PTPRR: variants seen among roughly 807,000 people sequenced by gnomAD.
PTPRR encodes the protein protein tyrosine phosphatase receptor type R, also known as receptor-type tyrosine-protein phosphatase R.
PTPRR carries 38 observed loss-of-function variants against 77.2 expected under a neutral mutation model. The observed-to-expected ratio is 0.49, with a 90% CI of 0.38 to 0.65. PTPRR has a LOEUF of 0.65. PTPRR is among the 30% of genes least tolerant of loss of function. The probability of loss-of-function intolerance (pLI) is 0.00; values close to 1 mark genes in which losing one functional copy is unlikely to be tolerated. For missense variants in PTPRR, 744 were observed against 799.2 expected (o/e 0.93, Z 0.83); for synonymous variants, 299 against 283.1 (o/e 1.06, Z -0.57).
Position 70,639,044 on chromosome 12 carries a change from C to A in PTPRR, c.*140G>T. On this transcript the variant is annotated 3_prime_UTR_variant, in exon 14 of 14. Transcript: ENST00000283228. ...AGCTGGAAATCTTAAATATGTTGCC[C>A]AGTCTTCCACAATCCATGCCATACA... The A allele has an allele frequency of 2.9e-6, 2 of 691,742 alleles. No individual in the cohort carries two copies. The highest frequency in any genetic ancestry group is 2.5e-5 in the East Asian group (1 of 39,382). The allele number at this position is 691,742 out of a possible 1,614,324, so 42.9% of individuals were successfully genotyped here.
At chr12:70,807,005 A>G (rs1211884732) in intron 2 of PTPRR, among the ~76,000 whole-genome samples, 4 of 152,188 alleles carry the variant, frequency 2.6e-5, no homozygotes, top group Admixed American at 2.0e-4. Flanking sequence ...GTGGTCACAT[A>G]GCACAGTTCT....
intron 2 of PTPRR, among the ~76,000 whole-genome samples, chr12:70,776,344 C>T (rs1891087666): frequency 6.6e-6 from 1 of 152,094 alleles, no homozygotes; most frequent in Admixed American, 6.6e-5. Flanking sequence ...AGATCATCAC[C>T]ATGACTAACT....
intron 5 of PTPRR, among the ~76,000 whole-genome samples, chr12:70,753,371 T>G (rs1285180221): frequency 6.6e-6 from 1 of 152,160 alleles, no homozygotes; most frequent in African/African-American, 2.4e-5. Context: ...AAGTATTTAT[T>G]TAAATGTACA....
In PTPRR at chr12:70,797,600, G is replaced by T. The variant is rs144857526; in HGVS notation, c.358-32822C>A. Among the ~76,000 whole-genome samples the T allele has an allele frequency of 3.7e-4, 56 of 152,162 alleles. No homozygotes were observed. In the East Asian group the frequency reaches 0.011, roughly 29 times the overall value. ...CTCATCTGACATTATCTCAACAATG[G>T]AAAGAAACCAATCATGTCAATGGTC... On this transcript the variant is annotated intron_variant, in intron 2 of 13. Transcript: ENST00000283228.
At chr12:70,736,801 G>C (rs1474572029) in intron 6 of PTPRR, among the ~76,000 whole-genome samples, 3 of 152,166 alleles carry the variant, frequency 2.0e-5, no homozygotes, top group Admixed American at 6.5e-5. Flanking sequence ...GTGTTCAATG[G>C]GGCTGGGTCA....
At chr12:70,669,628 G>A (rs902144248) in intron 10 of PTPRR, among the ~76,000 whole-genome samples, 1 of 151,164 alleles carries the variant, frequency 6.6e-6, no homozygotes, top group Non-Finnish European at 1.5e-5. Context: ...GCAGTGGCAC[G>A]ATCATAGCTT....
intron 3 of PTPRR, among the ~76,000 whole-genome samples, chr12:70,762,735 G>T (rs968971311): frequency 2.0e-5 from 3 of 152,254 alleles, no homozygotes; most frequent in South Asian, 2.1e-4. Flanking sequence ...CAAATAAAAC[G>T]TAAGAGGCTT....
intron 6 of PTPRR, among the ~76,000 whole-genome samples, chr12:70,719,005 T>G (rs552128244): frequency 6.6e-6 from 1 of 152,288 alleles, no homozygotes; most frequent in East Asian, 1.9e-4. Flanking sequence ...ACGAGGTGCT[T>G]AAGACATTCT....
intron 1 of PTPRR, among the ~76,000 whole-genome samples, chr12:70,909,485 A>T (rs1029804905): frequency 2.0e-4 from 30 of 152,182 alleles, no homozygotes; most frequent in African/African-American, 7.2e-4. Context: ...GGAACAAAGC[A>T]TTTCATCAAA....
intron 2 of PTPRR, among the ~76,000 whole-genome samples, chr12:70,842,592 C>G (rs1892415448): frequency 6.6e-6 from 1 of 152,180 alleles, no homozygotes; most frequent in African/African-American, 2.4e-5. Flanking sequence ...GTGACCATTT[C>G]ACTCTAACCT....
chr12:70,691,870 C>T (rs779184501), intron 8 of PTPRR, among the ~76,000 whole-genome samples: 3 of 152,124 alleles, frequency 2.0e-5, no homozygotes, highest in Non-Finnish European at 4.4e-5. Context: ...TCCAATCCAT[C>T]CTCCTCATAG....
intron 2 of PTPRR, among the ~76,000 whole-genome samples, chr12:70,784,577 C>T (rs1460341134): frequency 6.6e-6 from 1 of 152,222 alleles, no homozygotes; most frequent in Non-Finnish European, 1.5e-5. Flanking sequence ...CTGTCTGCCT[C>T]CTCCCAGTAC....
chr12:70,792,184 A>C (rs1414748766), intron 2 of PTPRR, among the ~76,000 whole-genome samples: 1 of 152,202 alleles, frequency 6.6e-6, no homozygotes, highest in Admixed American at 6.6e-5. Flanking sequence ...GAGGTTGTTA[A>C]GGGGATTGAT....
At chr12:70,819,206 A>T (rs1016231533) in intron 2 of PTPRR, among the ~76,000 whole-genome samples, 1 of 152,240 alleles carries the variant, frequency 6.6e-6, no homozygotes, top group African/African-American at 2.4e-5. Context: ...CTGTAGTCCC[A>T]GCTACTCCGG....
intron 4 of PTPRR, among the ~76,000 whole-genome samples, chr12:70,755,410 C>A (rs186204709): frequency 6.6e-6 from 1 of 152,042 alleles, no homozygotes; most frequent in African/African-American, 2.4e-5. Flanking sequence ...ATAAAATATA[C>A]CCAACATTTA....
chr12:70,823,780 G>A (rs892604472), intron 2 of PTPRR, among the ~76,000 whole-genome samples: 1 of 152,174 alleles, frequency 6.6e-6, no homozygotes, highest in Admixed American at 6.5e-5. Context: ...GAGGCAGGAA[G>A]GCAGGGCCAG....
At chr12:70,687,012 T>G (rs1366436833) in intron 8 of PTPRR, among the ~76,000 whole-genome samples, 2 of 152,302 alleles carry the variant, frequency 1.3e-5, no homozygotes, top group East Asian at 3.9e-4. Flanking sequence ...TTATTGTCAT[T>G]GCACTCATTG....
intron 2 of PTPRR, among the ~76,000 whole-genome samples, chr12:70,864,523 C>T (rs975646802): frequency 1.3e-5 from 2 of 152,164 alleles, no homozygotes; most frequent in Non-Finnish European, 2.9e-5. Flanking sequence ...TAATTAAGTT[C>T]TCATAAATGT....
At chr12:70,848,536 C>A (rs749366619) in intron 2 of PTPRR, among the ~76,000 whole-genome samples, 8 of 152,116 alleles carry the variant, frequency 5.3e-5, no homozygotes, top group Non-Finnish European at 8.8e-5. Context: ...CTTGGCCAGG[C>A]TGGTCTGAAA....
Sources: allele counts gnomAD v4.1 joint callset (sites outside exome capture counted in the v4.1 genomes callset), GRCh38; gene constraint gnomAD v4.1.1; transcripts MANE v1.5; gene names NCBI Gene and HGNC (gene_info 2026-07-23, HGNC 2026-07-21).